The following TUT4 variants were observed in gnomAD, a reference collection of about 807,000 sequenced individuals.
TUT4 encodes terminal uridylyl transferase 4.
Under a neutral mutation model 192.2 loss-of-function variants are expected in TUT4, and 36 were observed. That is an observed-to-expected ratio of 0.19 (90% CI 0.14 to 0.25). TUT4 has a LOEUF of 0.25. Among genes scored for constraint, TUT4 ranks in the 10% least tolerant of loss-of-function variants. The probability of loss-of-function intolerance (pLI) is 1.00; values close to 1 mark genes in which losing one functional copy is unlikely to be tolerated. For missense variants in TUT4, 1,493 were observed against 1,957.2 expected (o/e 0.76, Z 4.47); for synonymous variants, 618 against 666.0 (o/e 0.93, Z 1.11).
At chr1:52,465,937 C>T (rs560116887) in intron 15 of TUT4, among the ~76,000 whole-genome samples, 14 of 151,954 alleles carry the variant, frequency 9.2e-5, no homozygotes, top group African/African-American at 3.1e-4. Context: ...TGGCTATTCA[C>T]AGGCACAATC....
Position 52,435,383 on chromosome 1 carries a change from A to T in TUT4, c.4245T>A (p.Thr1415=), listed in dbSNP as rs773233969. The T allele has an allele frequency of 1.4e-5, 22 of 1,613,922 alleles. No individual in the cohort carries two copies. Among genetic ancestry groups the T allele is most frequent in the Non-Finnish European group, 1.8e-5 (21 of 1,179,932 alleles). Residue 1415 remains threonine, a synonymous_variant, in exon 27 of 30, where the codon ACT becomes ACA. Coordinates refer to ENST00000257177, the MANE Select transcript of TUT4 (RefSeq NM_001009881.3). ...AQQQGDQSIR[T]RQSSECSESP... Reference sequence around the variant, plus strand: ...TACTTACACATTCTGATGACTGTCTAGTCCTTATGGACTGATCACCCTGTT... The same window carrying T: ...TACTTACACATTCTGATGACTGTCTTGTCCTTATGGACTGATCACCCTGTT...
chr1:52,510,298 G>A (rs1190416208), intron 3 of TUT4, among the ~76,000 whole-genome samples: 2 of 119,710 alleles, frequency 1.7e-5, no homozygotes, highest in African/African-American at 6.8e-5. Flanking sequence ...CTGGGCAACA[G>A]AGCAAGACTT....
At chr1:52,462,175 C>CTTTTTTTTTTTTT (rs1210058850) in intron 16 of TUT4, 3 of 121,060 alleles carry the variant, frequency 2.5e-5, no homozygotes, top group African/African-American at 3.2e-5. Context: ...GGATTCAAAT[C>CTTTTTTTTTTTTT]TTTTTTTTTT....
chr1:52,544,480 A>T (rs770469841), intron 1 of TUT4, among the ~76,000 whole-genome samples: 7 of 152,216 alleles, frequency 4.6e-5, no homozygotes, highest in Non-Finnish European at 1.0e-4. Flanking sequence ...AAAACTGGTA[A>T]TCCATCTGCA....
rs928171035 is a variant in TUT4, at chr1:52,525,728, G to A, written c.553C>T (p.Pro185Ser). 4 of 1,613,982 alleles carry A rather than the reference G, an allele frequency of 2.5e-6. No individual in the cohort carries two copies. In the East Asian group the frequency reaches 6.7e-5, roughly 27 times the overall value. ...TELQQIGKKI[P>S]SSFTSVDKVN... Reference sequence around the variant, plus strand: ...TTGTCCACAGAAGTAAAGGAGCTTGGAATTTTTTTTCCAATCTGTTGTAAT... The same window carrying A: ...TTGTCCACAGAAGTAAAGGAGCTTGAAATTTTTTTTCCAATCTGTTGTAAT... Residue 185 changes from proline to serine, a missense_variant, in exon 2 of 30, where the codon CCA (proline) becomes TCA (serine). Physicochemically the swap from Pro to Ser is moderately conservative, Grantham distance 74. Around this residue, in one of 7 missense-constraint regions of TUT4, gnomAD observed 260 missense variants for 247.8 expected, o/e 1.05. Coordinates refer to ENST00000257177, the MANE Select transcript of TUT4 (RefSeq NM_001009881.3).
chr1:52,468,055 C>A, intron 15 of TUT4, 126 bp downstream of exon 15: 1 of 664,252 alleles, frequency 1.5e-6, no homozygotes, highest in Non-Finnish European at 2.5e-6. Context: ...CTTTTATTAG[C>A]ACTGTATTCC....
At chr1:52,538,060 A>AC (rs1277914424) in intron 1 of TUT4, among the ~76,000 whole-genome samples, 3 of 152,008 alleles carry the variant, frequency 2.0e-5, no homozygotes, top group Non-Finnish European at 2.9e-5. Flanking sequence ...ACATGGTGAA[A>AC]CCCCGTCTCT....
chr1:52,526,031 T>C lies in TUT4; in HGVS notation c.250A>G (p.Lys84Glu), dbSNP rs1226787123. ...KVNAANLPGP[K>E]DLGLVLRDQS... ...TCTCGAAGGACTAACCCCAAATCTT[T>C]AGGACCTGGAAGGTTGGCAGCATTT... Residue 84 changes from lysine (K) to glutamate (E), a missense_variant, in exon 2 of 30, where the codon AAA becomes GAA. Physicochemically the swap from Lys to Glu is moderately conservative, Grantham distance 56 (BLOSUM62 1). Coordinates refer to ENST00000257177, the MANE Select transcript of TUT4 (RefSeq NM_001009881.3). The C allele has an allele frequency of 3.1e-6, 5 of 1,613,218 alleles. No homozygotes were observed. Among genetic ancestry groups the C allele is most frequent in the African/African-American group, 1.3e-5 (1 of 74,898 alleles).
At chr1:52,427,283 A>G (rs1433707128) in intron 28 of TUT4, among the ~76,000 whole-genome samples, 1 of 152,164 alleles carries the variant, frequency 6.6e-6, no homozygotes, top group Non-Finnish European at 1.5e-5. Flanking sequence ...GAGTTAGCCA[A>G]GCTTTGAGGC....
At chr1:52,475,565 A>C in intron 12 of TUT4, 30 bp from the exon 13 acceptor site, 1 of 1,543,620 alleles carries the variant, frequency 6.5e-7, no homozygotes. Flanking sequence ...TAAATAGCTA[A>C]GTCTCTACTA....
chr1:52,516,344 G>A (rs915320610), intron 2 of TUT4, among the ~76,000 whole-genome samples: 8 of 152,146 alleles, frequency 5.3e-5, no homozygotes, highest in African/African-American at 1.9e-4. Flanking sequence ...ATTACACAAA[G>A]CTAATATAAC....
At chr1:52,517,883 T>C (rs1471460642) in intron 2 of TUT4, among the ~76,000 whole-genome samples, 1 of 152,216 alleles carries the variant, frequency 6.6e-6, no homozygotes, top group Admixed American at 6.5e-5. Flanking sequence ...TATTTATAAC[T>C]GGCCTTGTGT....
chr1:52,541,964 A>G (rs1484110702), intron 1 of TUT4, among the ~76,000 whole-genome samples: 1 of 152,236 alleles, frequency 6.6e-6, no homozygotes, highest in East Asian at 1.9e-4. Flanking sequence ...CCAACAGATG[A>G]ATGGATAAAC....
At chr1:52,534,510 T>A (rs1684365320) in intron 1 of TUT4, among the ~76,000 whole-genome samples, 1 of 152,056 alleles carries the variant, frequency 6.6e-6, no homozygotes, top group African/African-American at 2.4e-5. Flanking sequence ...AAACTGCATA[T>A]TTGAAATATC....
chr1:52,536,613 G>A (rs1342341353), intron 1 of TUT4, among the ~76,000 whole-genome samples: 1 of 152,138 alleles, frequency 6.6e-6, no homozygotes, highest in African/African-American at 2.4e-5. Context: ...AGCACTTTGG[G>A]AGGCCGAGGT....
At chr1:52,466,812 C>T (rs1664342728) in intron 15 of TUT4, among the ~76,000 whole-genome samples, 2 of 151,470 alleles carry the variant, frequency 1.3e-5, no homozygotes, top group African/African-American at 4.8e-5. Flanking sequence ...GGACTACAGG[C>T]GTGTGCCACC....
chr1:52,504,200 A>G (rs1674900755), intron 4 of TUT4, among the ~76,000 whole-genome samples: 2 of 152,294 alleles, frequency 1.3e-5, no homozygotes, highest in Admixed American at 6.5e-5. Context: ...TTAAAACTCA[A>G]TTCCATTCTC....
intron 1 of TUT4, among the ~76,000 whole-genome samples, chr1:52,540,877 G>A (rs1008568050): frequency 3.9e-5 from 6 of 152,098 alleles, no homozygotes; most frequent in East Asian, 3.9e-4. Context: ...TACATGCATC[G>A]TTAAGATTAT....
At chr1:52,482,764 AG>A (rs986983236) in intron 9 of TUT4, among the ~76,000 whole-genome samples, 1 of 152,158 alleles carries the variant, frequency 6.6e-6, no homozygotes, top group African/African-American at 2.4e-5. Flanking sequence ...CTTAAATTAT[AG>A]TCTATGATAT....
Sources: allele counts gnomAD v4.1 joint callset (sites outside exome capture counted in the v4.1 genomes callset), GRCh38; gene constraint gnomAD v4.1.1; regional missense constraint gnomAD v4.1.1; transcripts MANE v1.5; gene names NCBI Gene and HGNC (gene_info 2026-07-23, HGNC 2026-07-21).